Variants in LMTK2 observed in about 807,000 individuals in gnomAD.
The protein encoded by LMTK2 is lemur tail kinase 2, also known as serine/threonine-protein kinase LMTK2.
Under a neutral mutation model 127.5 loss-of-function variants are expected in LMTK2, and 37 were observed. That is an observed-to-expected ratio of 0.29 (90% CI 0.22 to 0.38). LMTK2 has a LOEUF of 0.38. LMTK2 is among the 10% of genes least tolerant of loss of function. The pLI is 1.00. For synonymous variants in LMTK2, 819 were observed against 810.1 expected (o/e 1.01, Z -0.19); for missense variants, 1,694 against 1,920.3 (o/e 0.88, Z 2.20).
Position 98,107,359 on chromosome 7 carries a change from C to T in LMTK2, c.103+79C>T, listed in dbSNP as rs185132355. ...GGGGGCGGCAGGGCCGGGCCGGCCT[C>T]GGCGCCGAGGAATCGGAGGGCCTGC... On this transcript the variant is annotated intron_variant, in intron 1 of 13. Transcript: ENST00000297293. 9.5e-3 allele frequency: 2,332 copies of T among 244,652 alleles called. 15 individuals are homozygous for T. Among genetic ancestry groups the T allele is most frequent in the Non-Finnish European group, 0.013 (2,140 of 168,612 alleles). 15.2% of individuals were successfully genotyped at this position (244,652 alleles called of 1,614,324 possible).
chr7:98,205,568 C>G lies in LMTK2; in HGVS notation c.*76C>G. Reference sequence around the variant, plus strand: ...GCCCCTGCGCCCTCAGCCCGAGCAGCGACATCCACTCGCCATTTGCTGACA... The same window carrying G: ...GCCCCTGCGCCCTCAGCCCGAGCAGGGACATCCACTCGCCATTTGCTGACA... On this transcript the variant is annotated 3_prime_UTR_variant, in exon 14 of 14. Transcript: ENST00000297293. 6.8e-7 allele frequency: 1 copy of G among 1,462,432 alleles called. No homozygotes were observed. Among genetic ancestry groups the G allele is most frequent in the South Asian group, 1.1e-5 (1 of 86,970 alleles). The allele number at this position is 1,462,432 out of a possible 1,614,324, so 90.6% of individuals were successfully genotyped here.
chr7:98,108,056 G>A (rs913757937), intron 1 of LMTK2, among the ~76,000 whole-genome samples: 3 of 152,132 alleles, frequency 2.0e-5, no homozygotes, highest in African/African-American at 7.2e-5. Context: ...AAAAATCTAG[G>A]CTAACTTGGC....
Position 98,151,475 on chromosome 7 carries a change from C to T in LMTK2, c.450+20C>T. 1 of 1,571,086 alleles carries T rather than the reference C, an allele frequency of 6.4e-7. No individual in the cohort carries two copies. The highest frequency in any genetic ancestry group is 8.8e-7 in the Non-Finnish European group (1 of 1,141,106). On this transcript the variant is annotated intron_variant, in intron 4 of 13. Coordinates refer to ENST00000297293, the MANE Select transcript of LMTK2 (RefSeq NM_014916.4). The stretch of plus-strand genomic sequence containing the variant: ...GGAAAGGTAAGATGCTCTTCACTTG[C>T]ATTTGTTTTCCTCTGAATGATACTG...
intron 7 of LMTK2, among the ~76,000 whole-genome samples, chr7:98,172,302 CTTTTTTT>C (rs397948033): frequency 7.8e-6 from 1 of 127,852 alleles, no homozygotes; most frequent in African/African-American, 2.9e-5. Flanking sequence ...GACCATAGTT[CTTTTTTT>C]TTTTTTTTTT....
chr7:98,151,477 T>G (rs758434285), intron 4 of LMTK2, 22 bp downstream of exon 4: 1 of 1,558,882 alleles, frequency 6.4e-7, no homozygotes. Flanking sequence ...TTCACTTGCA[T>G]TTGTTTTCCT....
intron 3 of LMTK2, among the ~76,000 whole-genome samples, chr7:98,146,885 T>TG (rs1796781954): frequency 6.6e-6 from 1 of 152,236 alleles, no homozygotes; most frequent in South Asian, 2.1e-4. Flanking sequence ...TTTAGTGTCC[T>TG]TTTATTTCAG....
chr7:98,189,554 C>G (rs568156407), intron 9 of LMTK2, among the ~76,000 whole-genome samples: 4 of 152,290 alleles, frequency 2.6e-5, no homozygotes, highest in Admixed American at 6.5e-5. Context: ...TCTGACCTAG[C>G]AGTGTGTGTG....
chr7:98,170,443 G>A (rs1562913075), intron 6 of LMTK2, among the ~76,000 whole-genome samples: 1 of 152,102 alleles, frequency 6.6e-6, no homozygotes, highest in Non-Finnish European at 1.5e-5. Flanking sequence ...GTTTTATTCT[G>A]GGAGGTATTT....
chr7:98,133,388 T>C lies in LMTK2; in HGVS notation c.104-3927T>C, dbSNP rs537070335. 1.2e-4 allele frequency among the ~76,000 whole-genome samples: 19 copies of C among 152,252 alleles called. No homozygotes were observed. In the South Asian group the frequency reaches 3.7e-3, roughly 30 times the overall value. On this transcript the variant is annotated intron_variant, in intron 1 of 13. Transcript: ENST00000297293. ...GACCACGGCGGTATAGGGATTTTATTTGTGGTTCCTCAAGTCTAGAATTTA... is the reference window on the plus strand; with the variant it reads ...GACCACGGCGGTATAGGGATTTTATCTGTGGTTCCTCAAGTCTAGAATTTA...
intron 2 of LMTK2, among the ~76,000 whole-genome samples, chr7:98,140,446 C>T (rs1392654925): frequency 6.6e-6 from 1 of 152,124 alleles, no homozygotes; most frequent in African/African-American, 2.4e-5. Context: ...GCCACTTTGC[C>T]TGCCTGCATC....
intron 1 of LMTK2, among the ~76,000 whole-genome samples, chr7:98,136,187 A>G (rs568977737): frequency 1.1e-4 from 16 of 152,352 alleles, no homozygotes; most frequent in Non-Finnish European, 2.2e-4. Flanking sequence ...GCCACAAAAT[A>G]AGTGATGATG....
intron 2 of LMTK2, among the ~76,000 whole-genome samples, chr7:98,140,027 G>A (rs1208098182): frequency 2.6e-5 from 4 of 152,004 alleles, no homozygotes; most frequent in African/African-American, 7.3e-5. Context: ...GAATGGTGAC[G>A]GAAGAATTGC....
In LMTK2 at chr7:98,194,283, G is replaced by A. The variant is rs201829032; in HGVS notation, c.3818G>A (p.Gly1273Glu). The A allele has an allele frequency of 6.8e-6, 11 of 1,614,182 alleles. No individual in the cohort carries two copies. The East Asian group carries it at 2.2e-4, about 33-fold the overall frequency. ...TACCTGGGGAAACTCGGGGTGTCAG[G>A]GATGCTCGACCTCTCAGAGGACGGG... ...GKYLGKLGVSGMLDLSEDGMD... is the reference protein window; with the variant it reads ...GKYLGKLGVSEMLDLSEDGMD... Residue 1273 changes from glycine (G) to glutamate (E), a missense_variant, in exon 11 of 14, where the codon GGG (glycine) becomes GAG (glutamate). This residue lies in a region of LMTK2 where 554 missense variants were observed against 567.7 expected (regional missense o/e 0.98). Transcript: ENST00000297293. The surrounding 1 kb of genome is among the most constrained non-coding windows in gnomAD (Gnocchi z 5.4).
At chr7:98,109,856 TGACCAAGATATATTA>T (rs1464546753) in intron 1 of LMTK2, among the ~76,000 whole-genome samples, 1 of 152,136 alleles carries the variant, frequency 6.6e-6, no homozygotes, top group Non-Finnish European at 1.5e-5. Context: ...GGTGGGTTCT[TGACCAAGATATATTA>T]GACCAAGTTT....
Position 98,149,743 on chromosome 7 carries a change from G to A in LMTK2, c.377-1639G>A, listed in dbSNP as rs575374004. ...GACACTAAAAGCATCATTCACAAAA[G>A]GAAATATTTATAAATTGGACCTTTT... is the stretch of plus-strand genomic sequence containing the variant. On this transcript the variant is annotated intron_variant, in intron 3 of 13. Coordinates refer to ENST00000297293, the MANE Select transcript of LMTK2 (RefSeq NM_014916.4). 2.0e-3 allele frequency among the ~76,000 whole-genome samples: 300 copies of A among 152,092 alleles called. 2 individuals are homozygous for A. In the Middle Eastern group the frequency reaches 0.024, roughly 12 times the overall value.
Position 98,204,083 on chromosome 7 carries a change from G to C in LMTK2, c.4380G>C (p.Gln1460His). The change falls in exon 13 of 14, where the codon CAG (glutamine) becomes CAC (histidine). Residue 1460 changes from glutamine to histidine, a missense_variant. Around this residue, in one of 8 missense-constraint regions of LMTK2, gnomAD observed 554 missense variants for 567.7 expected, o/e 0.98. Transcript: ENST00000297293. ...CGCCACCGGCCCGGAGCACGGAGCA[G>C]AGCTGGCCGCACTCGGCGCCTTACT... ...SPPPPARSTEQSWPHSAPYSR... is the reference protein window; with the variant it reads ...SPPPPARSTEHSWPHSAPYSR... 1 of 1,613,822 alleles carries C rather than the reference G, an allele frequency of 6.2e-7. No homozygotes were observed. Among genetic ancestry groups the C allele is most frequent in the Non-Finnish European group, 8.5e-7 (1 of 1,180,040 alleles).
At chr7:98,203,795 A>G in intron 12 of LMTK2, 89 bp downstream of exon 12, 1 of 1,582,646 alleles carries the variant, frequency 6.3e-7, no homozygotes, top group Non-Finnish European at 8.7e-7. Flanking sequence ...TGTTGCTTTA[A>G]TGACGCCCCC....
chr7:98,139,315 A>G (rs1236276790), intron 2 of LMTK2, among the ~76,000 whole-genome samples: 1 of 152,022 alleles, frequency 6.6e-6, no homozygotes, highest in Non-Finnish European at 1.5e-5. Context: ...GGGTTTCACC[A>G]TGTTGCCCAG....
At chr7:98,116,031 C>T (rs1426010955) in intron 1 of LMTK2, among the ~76,000 whole-genome samples, 1 of 152,016 alleles carries the variant, frequency 6.6e-6, no homozygotes, top group Non-Finnish European at 1.5e-5. Flanking sequence ...ACTATAGGCG[C>T]ATGTAACCAT....
Sources: allele counts gnomAD v4.1 joint callset (sites outside exome capture counted in the v4.1 genomes callset), GRCh38; gene constraint gnomAD v4.1.1; regional missense constraint gnomAD v4.1.1; non-coding constraint Gnocchi (gnomAD v3.1); transcripts MANE v1.5; gene names NCBI Gene and HGNC (gene_info 2026-07-23, HGNC 2026-07-21).